The following RMND1 variants were observed in gnomAD, a reference collection of about 807,000 sequenced individuals.
The protein encoded by RMND1 is required for meiotic nuclear division protein 1 homolog.
RMND1 carries 41 observed loss-of-function variants against 54.0 expected under a neutral mutation model. The ratio of observed to expected loss-of-function variants is 0.76; its 90% CI spans 0.59 to 0.98. RMND1 has a LOEUF of 0.98. Ranked by LOEUF, RMND1 falls within the 50% of genes least tolerant of loss-of-function variation. RMND1 has a pLI of 0.00. For synonymous variants in RMND1, 183 were observed against 181.7 expected (o/e 1.01, Z -0.06); for missense variants, 457 against 532.0 (o/e 0.86, Z 1.39).
chr6:151,421,727 T>G (rs982741119), intron 8 of RMND1, among the ~76,000 whole-genome samples: 2 of 152,200 alleles, frequency 1.3e-5, no homozygotes, highest in African/African-American at 4.8e-5. Context: ...TCTCATAATT[T>G]AGCAAAACAC....
chr6:151,429,444 A>C (rs939892582), intron 5 of RMND1, among the ~76,000 whole-genome samples: 3 of 152,092 alleles, frequency 2.0e-5, no homozygotes, highest in Admixed American at 6.5e-5. Context: ...TTTTAATGTA[A>C]CTGTATTATA....
intron 1 of RMND1, among the ~76,000 whole-genome samples, chr6:151,448,373 GACTT>G (rs2114975533): frequency 6.7e-6 from 1 of 148,682 alleles, no homozygotes; most frequent in South Asian, 2.1e-4. Flanking sequence ...CACTCCCCAT[GACTT>G]CACTTCCTCC....
In RMND1 at chr6:151,427,673, C is replaced by A. The variant is rs140076226; in HGVS notation, c.730-91G>T. 1,053 of 723,938 alleles carry A rather than the reference C, an allele frequency of 1.5e-3. 7 individuals carry two copies. In the African/African-American group the frequency reaches 0.017, roughly 12 times the overall value. 44.8% of individuals were successfully genotyped at this position (723,938 alleles called of 1,614,324 possible). On this transcript the variant is annotated intron_variant, in intron 5 of 11. Coordinates refer to ENST00000444024, the MANE Select transcript of RMND1 (RefSeq NM_017909.4). Reference sequence around the variant, plus strand: ...TTAATGCTTATAACAGTCTTCATTACACTTACAGGCATTATTTCTGTTGCA... The same window carrying A: ...TTAATGCTTATAACAGTCTTCATTAAACTTACAGGCATTATTTCTGTTGCA...
At chr6:151,439,925 G>A (rs539462788) in intron 2 of RMND1, among the ~76,000 whole-genome samples, 1 of 152,200 alleles carries the variant, frequency 6.6e-6, no homozygotes, top group African/African-American at 2.4e-5. Flanking sequence ...CTCCCACAGT[G>A]CTGGGATTAC....
At chr6:151,438,441 T>C (rs1309661295) in intron 2 of RMND1, among the ~76,000 whole-genome samples, 1 of 152,190 alleles carries the variant, frequency 6.6e-6, no homozygotes, top group Non-Finnish European at 1.5e-5. Flanking sequence ...CACAAGCTAG[T>C]CCACTGAAGG....
intron 2 of RMND1, among the ~76,000 whole-genome samples, chr6:151,443,981 T>C (rs1169243926): frequency 6.6e-6 from 1 of 152,230 alleles, no homozygotes; most frequent in Non-Finnish European, 1.5e-5. Flanking sequence ...TATTATCTCA[T>C]TTGAAACTAT....
At chr6:151,434,912 G>T (rs1028044444) in intron 3 of RMND1, among the ~76,000 whole-genome samples, 1 of 152,088 alleles carries the variant, frequency 6.6e-6, no homozygotes, top group Non-Finnish European at 1.5e-5. Context: ...GCAGTGGCAC[G>T]ATCTTGGCTC....
chr6:151,446,073 T>TA (rs1780944666), intron 1 of RMND1: 40 of 373,724 alleles, frequency 1.1e-4, no homozygotes, highest in South Asian at 2.5e-4. Context: ...ACAAGAACCT[T>TA]AAAAAAAATA....
At chr6:151,407,579 T>C (rs6557135) in intron 10 of RMND1, among the ~76,000 whole-genome samples, 78,875 of 151,946 alleles carry the variant, frequency 0.52, 24,607 homozygotes, top group African/African-American at 0.87. Flanking sequence ...CGAACCTCAA[T>C]CCAAGCATCT....
At chr6:151,407,418 C>T (rs182080939) in intron 10 of RMND1, among the ~76,000 whole-genome samples, 13 of 152,150 alleles carry the variant, frequency 8.5e-5, no homozygotes, top group African/African-American at 2.7e-4. Flanking sequence ...ACTGATTCAG[C>T]CTCTTGCATT....
At chr6:151,431,509 C>T (rs1246327464) in intron 4 of RMND1, among the ~76,000 whole-genome samples, 2 of 152,062 alleles carry the variant, frequency 1.3e-5, no homozygotes, top group African/African-American at 4.8e-5. Context: ...GTATTTCAAG[C>T]CACAGCCACA....
intron 2 of RMND1, among the ~76,000 whole-genome samples, chr6:151,440,298 C>T (rs1364898640): frequency 6.6e-6 from 1 of 152,184 alleles, no homozygotes; most frequent in Non-Finnish European, 1.5e-5. Context: ...GTTTTAAAAA[C>T]CGCCACTTGG....
chr6:151,449,918 C>CG (rs1277218323), intron 1 of RMND1, among the ~76,000 whole-genome samples: 1 of 152,232 alleles, frequency 6.6e-6, no homozygotes, highest in Non-Finnish European at 1.5e-5. Context: ...CCCGAGGTGC[C>CG]GGGTTTGCAG....
chr6:151,438,768 G>A (rs1402443142), intron 2 of RMND1, among the ~76,000 whole-genome samples: 14 of 150,636 alleles, frequency 9.3e-5, no homozygotes, highest in Admixed American at 5.3e-4. Context: ...TACTGGCCAA[G>A]CCCATCTGCA....
intron 2 of RMND1, 144 bp downstream of exon 2, chr6:151,445,164 T>G: frequency 1.3e-6 from 1 of 753,458 alleles, no homozygotes; most frequent in East Asian, 2.7e-5. Context: ...CTTTGGATAT[T>G]TATTAGGCTT....
At position 151,410,057 on chromosome 6, in the gene RMND1, AT is replaced by A. The variant is rs35691230; in HGVS notation, c.1201-4222del. On this transcript the variant is annotated intron_variant, in intron 10 of 11. Coordinates refer to ENST00000444024, the MANE Select transcript of RMND1 (RefSeq NM_017909.4). ...AAAAAACCCCGCTACTCTTTGTTCC[AT>A]TTTTTTTTTTTTTTGAGGCGGAGTC... 5.3e-3 allele frequency among the ~76,000 whole-genome samples: 749 copies of A among 140,380 alleles called. 5 individuals carry two copies. Among genetic ancestry groups the A allele is most frequent in the East Asian group, 0.012 (59 of 4,804 alleles). 92.1% of individuals were successfully genotyped at this position (140,380 alleles called of 152,430 possible).
In RMND1 at chr6:151,405,262, C is replaced by T. The variant is rs2114907197; in HGVS notation, c.1323G>A (p.Met441Ile). 1 of 1,612,768 alleles carries T rather than the reference C, an allele frequency of 6.2e-7. No individual in the cohort carries two copies. The highest frequency in any genetic ancestry group is 2.2e-5 in the East Asian group (1 of 44,824). ...AGAAAAATACTCGTCCCAGCTCAAA[C>T]ATTACCTTAGAATAGAAAGTGAGAA... is the stretch of plus-strand genomic sequence containing the variant. Reference protein sequence around the residue: ...MIVILITIEVMFELGRVFF With the variant: ...MIVILITIEVIFELGRVFF Residue 441 changes from methionine (M) to isoleucine (I), a missense_variant, in exon 12 of 12, where the codon ATG (methionine) becomes ATA (isoleucine). Met to Ile is a conservative substitution (Grantham distance 10). Transcript: ENST00000444024.
At chr6:151,424,809 AAGAC>A in intron 6 of RMND1, among the ~76,000 whole-genome samples, 1 of 152,154 alleles carries the variant, frequency 6.6e-6, no homozygotes, top group African/African-American at 2.4e-5. Flanking sequence ...AAATGGAAAA[AAGAC>A]AGGGTAAACC....
At chr6:151,426,364 T>TTAGGG (rs2114943349) in intron 6 of RMND1, among the ~76,000 whole-genome samples, 1 of 152,324 alleles carries the variant, frequency 6.6e-6, no homozygotes, top group Non-Finnish European at 1.5e-5. Context: ...TAACATCTCT[T>TTAGGG]CATTTTTTCC....
Sources: gnomAD v4.1 joint callset for allele counts (sites outside exome capture counted in the v4.1 genomes callset) on GRCh38, gnomAD v4.1.1 for gene constraint, MANE v1.5 for transcripts, NCBI Gene and HGNC (gene_info 2026-07-23, HGNC 2026-07-21) for gene names.